Variants in HS3ST4 observed in about 807,000 individuals in gnomAD.
HS3ST4 encodes heparan sulfate-glucosamine 3-sulfotransferase 4.
In HS3ST4, 17 loss-of-function variants were observed where a neutral mutation model predicts 29.2. The observed-to-expected ratio is 0.58, with a 90% CI of 0.40 to 0.87. The LOEUF is 0.87. HS3ST4 is among the 40% of genes least tolerant of loss of function. HS3ST4 has a pLI of 0.00. For synonymous variants in HS3ST4, 314 were observed against 285.7 expected (o/e 1.10, Z -1.00); for missense variants, 627 against 634.5 (o/e 0.99, Z 0.13).
At chr16:26,002,206 T>A (rs896748322) in intron 1 of HS3ST4, among the ~76,000 whole-genome samples, 1 of 152,038 alleles carries the variant, frequency 6.6e-6, no homozygotes, top group African/African-American at 2.4e-5. Flanking sequence ...AGAAGAAGAG[T>A]CAAATCTCCC....
chr16:25,724,107 C>A (rs1966514911), intron 1 of HS3ST4, among the ~76,000 whole-genome samples: 1 of 85,134 alleles, frequency 1.2e-5, no homozygotes, highest in African/African-American at 4.5e-5. Flanking sequence ...AGCGAGACTC[C>A]ATCTCAAAAA....
rs187595586 is a variant in HS3ST4, at chr16:25,910,532, A to G, written c.734+217381A>G. Among the ~76,000 whole-genome samples, 302 of 151,994 alleles carry G rather than the reference A, an allele frequency of 2.0e-3. 2 individuals carry two copies. The highest frequency in any genetic ancestry group is 7.2e-3 in the African/African-American group (297 of 41,466). ...GTGGTGGGTGCCTGTAATCCCAGCTACTTGGGAGGCTGAGGCAGGAGAATC... is the reference window on the plus strand; with the variant it reads ...GTGGTGGGTGCCTGTAATCCCAGCTGCTTGGGAGGCTGAGGCAGGAGAATC... On this transcript the variant is annotated intron_variant, in intron 1 of 1. Coordinates refer to ENST00000331351, the MANE Select transcript of HS3ST4 (RefSeq NM_006040.3).
intron 1 of HS3ST4, among the ~76,000 whole-genome samples, chr16:25,767,190 G>A (rs926272500): frequency 9.2e-5 from 14 of 152,126 alleles, no homozygotes; most frequent in Non-Finnish European, 1.9e-4. Context: ...GTTTTGCCAG[G>A]CAAATGTTTA....
intron 1 of HS3ST4, among the ~76,000 whole-genome samples, chr16:25,963,416 G>A (rs897534836): frequency 6.6e-6 from 1 of 152,100 alleles, no homozygotes; most frequent in East Asian, 1.9e-4. Flanking sequence ...CCCATTGTTA[G>A]TCTTGTCTGT....
At chr16:26,063,925 G>C (rs1366833504) in intron 1 of HS3ST4, among the ~76,000 whole-genome samples, 1 of 152,178 alleles carries the variant, frequency 6.6e-6, no homozygotes, top group Non-Finnish European at 1.5e-5. Context: ...GGACATTCTT[G>C]TTGGTAATTA....
chr16:25,739,024 C>T (rs1966632496), intron 1 of HS3ST4, among the ~76,000 whole-genome samples: 1 of 152,064 alleles, frequency 6.6e-6, no homozygotes, highest in Admixed American at 6.6e-5. Flanking sequence ...ATTCAGCCCC[C>T]AGAACAGAAC....
chr16:25,904,105 T>TG (rs1236583319), intron 1 of HS3ST4, among the ~76,000 whole-genome samples: 11 of 130,296 alleles, frequency 8.4e-5, no homozygotes, highest in South Asian at 2.9e-4. Flanking sequence ...AATGAATGGA[T>TG]GAATGGATGG....
chr16:26,126,358 A>T (rs1219244407), intron 1 of HS3ST4, among the ~76,000 whole-genome samples: 1 of 152,246 alleles, frequency 6.6e-6, no homozygotes, highest in African/African-American at 2.4e-5. Flanking sequence ...CAGTGGTATA[A>T]CCACACCCAC....
chr16:26,067,872 G>A lies in HS3ST4; in HGVS notation c.735-67740G>A, dbSNP rs565086116. Among the ~76,000 whole-genome samples the A allele has an allele frequency of 5.9e-5, 9 of 152,238 alleles. No individual in the cohort carries two copies. In the South Asian group the frequency reaches 1.9e-3, roughly 32 times the overall value. ...ATAAAGGGCAGTTCCCCTACACATG[G>A]TGTCTCTTGCTTGCCTGCCACCATG... On this transcript the variant is annotated intron_variant, in intron 1 of 1. Coordinates refer to ENST00000331351, the MANE Select transcript of HS3ST4 (RefSeq NM_006040.3).
At chr16:25,860,007 G>T (rs536653207) in intron 1 of HS3ST4, among the ~76,000 whole-genome samples, 35 of 152,304 alleles carry the variant, frequency 2.3e-4, no homozygotes, top group African/African-American at 6.3e-4. Flanking sequence ...ACCCTATTGT[G>T]TGTGAACTGT....
intron 1 of HS3ST4, among the ~76,000 whole-genome samples, chr16:25,943,429 G>T (rs951697559): frequency 1.3e-5 from 2 of 152,148 alleles, no homozygotes; most frequent in African/African-American, 4.8e-5. Flanking sequence ...AATGAGAAAA[G>T]ACTCAAAAGG....
intron 1 of HS3ST4, among the ~76,000 whole-genome samples, chr16:25,821,653 A>G (rs9928261): frequency 0.29 from 44,137 of 151,988 alleles, 6,806 homozygotes; most frequent in African/African-American, 0.37. Flanking sequence ...GCTGCTGGGC[A>G]CGGTGGCTCA....
At chr16:26,025,206 C>T (rs749250747) in intron 1 of HS3ST4, 1 of 154,444 alleles carries the variant, frequency 6.5e-6, no homozygotes, top group Non-Finnish European at 1.5e-5. Context: ...AGGACTGTAA[C>T]ATCACCTGAT....
At chr16:25,794,543 G>T (rs1159511776) in intron 1 of HS3ST4, among the ~76,000 whole-genome samples, 2 of 151,654 alleles carry the variant, frequency 1.3e-5, no homozygotes, top group African/African-American at 4.8e-5. Context: ...CCACTTTAAA[G>T]ATGTCATTTT....
chr16:25,979,240 C>A (rs1196692833), intron 1 of HS3ST4, among the ~76,000 whole-genome samples: 1 of 152,142 alleles, frequency 6.6e-6, no homozygotes, highest in Non-Finnish European at 1.5e-5. Flanking sequence ...TCTAGCTTTG[C>A]ACTGGATGTC....
In HS3ST4 at chr16:26,019,110, A is replaced by G. The variant is rs530118058; in HGVS notation, c.735-116502A>G. On this transcript the variant is annotated intron_variant, in intron 1 of 1. Transcript: ENST00000331351. ...CATCATATTCCCGTCCTGCAAGTGGATGCTGCCAGTTACTCGTCTTTTCTC... is the reference window on the plus strand; with the variant it reads ...CATCATATTCCCGTCCTGCAAGTGGGTGCTGCCAGTTACTCGTCTTTTCTC... Among the ~76,000 whole-genome samples the G allele has an allele frequency of 2.6e-5, 4 of 152,140 alleles. No homozygotes were observed. The East Asian group carries it at 7.8e-4, about 29-fold the overall frequency.
chr16:26,122,364 A>G (rs80324669), intron 1 of HS3ST4, among the ~76,000 whole-genome samples: 2,771 of 151,990 alleles, frequency 0.018, 43 homozygotes, highest in Non-Finnish European at 0.024. Context: ...GAAGGGTTTA[A>G]TTGTGTTGTA....
intron 1 of HS3ST4, chr16:26,062,663 A>C (rs577853302): frequency 6.6e-6 from 1 of 152,422 alleles, no homozygotes; most frequent in East Asian, 1.9e-4. Flanking sequence ...AAAGGGAGGC[A>C]CGAAAATTGT....
At chr16:25,902,138 C>T (rs183676634) in intron 1 of HS3ST4, among the ~76,000 whole-genome samples, 1 of 152,172 alleles carries the variant, frequency 6.6e-6, no homozygotes, top group East Asian at 1.9e-4. Context: ...TGATAATCAG[C>T]TCACTGTCCA....
Sources: allele counts gnomAD v4.1 joint callset (sites outside exome capture counted in the v4.1 genomes callset), GRCh38; gene constraint gnomAD v4.1.1; transcripts MANE v1.5; gene names NCBI Gene and HGNC (gene_info 2026-07-23, HGNC 2026-07-21).